ELF2: variants seen among roughly 807,000 people sequenced by gnomAD.
ELF2 encodes the protein ETS-related transcription factor Elf-2.
In ELF2, 11 loss-of-function variants were observed where a neutral mutation model predicts 54.8. That is an observed-to-expected ratio of 0.20 (90% CI 0.13 to 0.33). The LOEUF is 0.33. Among genes scored for constraint, ELF2 ranks in the 10% least tolerant of loss-of-function variants. The probability of loss-of-function intolerance (pLI) is 1.00; values close to 1 mark genes in which losing one functional copy is unlikely to be tolerated. For synonymous variants in ELF2, 203 were observed against 245.1 expected (o/e 0.83, Z 1.61); for missense variants, 513 against 703.0 (o/e 0.73, Z 3.06).
rs541098058 is a variant in ELF2, at chr4:139,117,390, T to G, written c.238+7774A>C. Among the ~76,000 whole-genome samples the G allele has an allele frequency of 3.0e-4, 45 of 152,346 alleles. No individual in the cohort carries two copies. In the South Asian group the frequency reaches 9.1e-3, roughly 31 times the overall value. ...GCTTATTCTTTGCAATACTTTCCAATTTTTTCCATTAAGCATGTATTGCTT... is the reference window on the plus strand; with the variant it reads ...GCTTATTCTTTGCAATACTTTCCAAGTTTTTCCATTAAGCATGTATTGCTT... On this transcript the variant is annotated intron_variant, in intron 4 of 9. Coordinates refer to ENST00000686138, the MANE Select transcript of ELF2 (RefSeq NM_001331036.3).
At chr4:139,144,799 G>C (rs1466785400) in intron 1 of ELF2, among the ~76,000 whole-genome samples, 1 of 152,196 alleles carries the variant, frequency 6.6e-6, no homozygotes, top group Non-Finnish European at 1.5e-5. Flanking sequence ...AGTGGCCAGG[G>C]AATGGCTCCA....
In ELF2 at chr4:139,059,614, C is replaced by CCTGTCT; in HGVS notation, c.1158-8_1158-7insAGACAG. On this transcript the variant is annotated splice_polypyrimidine_tract_variant and splice_region_variant and intron_variant, in intron 9 of 9. Coordinates refer to ENST00000686138, the MANE Select transcript of ELF2 (RefSeq NM_001331036.3). ...CATTGCCACACGAACTGTCCTAGTACATTAGAAAGAAAAAAGCTGATTATA... is the reference window on the plus strand; with the variant it reads ...CATTGCCACACGAACTGTCCTAGTACCTGTCTATTAGAAAGAAAAAAGCTGATTATA... 1 of 1,598,978 alleles carries CCTGTCT rather than the reference C, an allele frequency of 6.3e-7. No individual in the cohort carries two copies. The highest frequency in any genetic ancestry group is 8.5e-7 in the Non-Finnish European group (1 of 1,174,810).
At chr4:139,176,443 G>C (rs1742931932) in intron 1 of ELF2, among the ~76,000 whole-genome samples, 1 of 151,678 alleles carries the variant, frequency 6.6e-6, no homozygotes, top group Non-Finnish European at 1.5e-5. Flanking sequence ...AGCCTCCCAG[G>C]TCCCGCCCCG....
chr4:139,078,280 G>GA (rs879879178), intron 4 of ELF2, among the ~76,000 whole-genome samples: 3 of 151,832 alleles, frequency 2.0e-5, no homozygotes. Flanking sequence ...TGAGAGCAGT[G>GA]AAAAAAAATT....
intron 4 of ELF2, among the ~76,000 whole-genome samples, chr4:139,096,436 G>C (rs1733299877): frequency 6.6e-6 from 1 of 151,846 alleles, no homozygotes; most frequent in East Asian, 1.9e-4. Flanking sequence ...AATTTGTCTG[G>C]GCTTTCTATT....
intron 1 of ELF2, among the ~76,000 whole-genome samples, chr4:139,141,574 T>G (rs1738701874): frequency 6.6e-6 from 1 of 152,176 alleles, no homozygotes; most frequent in South Asian, 2.1e-4. Context: ...GGATCAAATA[T>G]TCAAAGACTG....
At chr4:139,104,523 A>AAG (rs556454183) in intron 4 of ELF2, among the ~76,000 whole-genome samples, 460 of 150,638 alleles carry the variant, frequency 3.1e-3, no homozygotes, top group Non-Finnish European at 5.2e-3. Context: ...AAAAAAAAAA[A>AAG]AAAAGAAAAG....
At chr4:139,084,180 G>A (rs1437941772) in intron 4 of ELF2, 1 of 1,613,382 alleles carries the variant, frequency 6.2e-7, no homozygotes, top group Non-Finnish European at 8.5e-7. Flanking sequence ...CTCATGCAGA[G>A]ACGTCGCCAT....
intron 1 of ELF2, among the ~76,000 whole-genome samples, chr4:139,154,131 T>C (rs926681193): frequency 1.3e-5 from 2 of 152,198 alleles, no homozygotes; most frequent in African/African-American, 4.8e-5. Context: ...ATTTTCTTTG[T>C]GTTACAATAC....
At chr4:139,061,309 G>C (rs1727819145) in intron 8 of ELF2, among the ~76,000 whole-genome samples, 1 of 151,898 alleles carries the variant, frequency 6.6e-6, no homozygotes, top group African/African-American at 2.4e-5. Context: ...CGAATAGCTG[G>C]GATTACAGGC....
chr4:139,130,545 A>G (rs1211748236), intron 3 of ELF2, among the ~76,000 whole-genome samples: 2 of 152,202 alleles, frequency 1.3e-5, no homozygotes, highest in Non-Finnish European at 2.9e-5. Context: ...GGAATCTTCT[A>G]TAATCCTCCA....
chr4:139,125,443 TTATAAA>T, intron 3 of ELF2, 114 bp from the exon 4 acceptor site: 1 of 1,242,992 alleles, frequency 8.0e-7, no homozygotes, highest in Non-Finnish European at 1.1e-6. Context: ...GTTTCAAATA[TTATAAA>T]TATGAATGTA....
intron 4 of ELF2, among the ~76,000 whole-genome samples, chr4:139,087,659 G>A (rs762739183): frequency 2.6e-5 from 4 of 152,076 alleles, no homozygotes; most frequent in Non-Finnish European, 4.4e-5. Context: ...TAGAGATGGG[G>A]TTTGACCGTG....
intron 1 of ELF2, among the ~76,000 whole-genome samples, chr4:139,159,942 G>C (rs1330496121): frequency 6.6e-6 from 1 of 152,200 alleles, no homozygotes; most frequent in Non-Finnish European, 1.5e-5. Context: ...TAGTCCCTTT[G>C]CAAGAGTGAG....
chr4:139,169,347 A>C (rs2129681), intron 1 of ELF2, among the ~76,000 whole-genome samples: 85,485 of 109,258 alleles, frequency 0.78, 31,787 homozygotes, highest in Middle Eastern at 0.91. Context: ...GACTACATTT[A>C]AAAAAAAAAA....
At chr4:139,145,047 C>T (rs1216678157) in intron 1 of ELF2, among the ~76,000 whole-genome samples, 1 of 152,220 alleles carries the variant, frequency 6.6e-6, no homozygotes, top group East Asian at 1.9e-4. Flanking sequence ...CACTCTTTTG[C>T]AAGCACCACC....
intron 4 of ELF2, among the ~76,000 whole-genome samples, chr4:139,102,826 G>A (rs895650417): frequency 6.6e-6 from 1 of 152,176 alleles, no homozygotes; most frequent in African/African-American, 2.4e-5. Flanking sequence ...GGGCGACAGA[G>A]CAAGACTCCA....
intron 4 of ELF2, chr4:139,084,432 G>C (rs1731697674): frequency 1.7e-6 from 2 of 1,184,458 alleles, no homozygotes; most frequent in South Asian, 3.3e-5. Flanking sequence ...GGGGCGGCAG[G>C]GGCAGGGGCG....
At chr4:139,170,259 CTTTTTTTTTT>C (rs70940499) in intron 1 of ELF2, among the ~76,000 whole-genome samples, 25 of 89,292 alleles carry the variant, frequency 2.8e-4, no homozygotes, top group African/African-American at 1.2e-3. Flanking sequence ...TCTTAATCGC[CTTTTTTTTTT>C]TTTTTTTTTT....
Sources: gnomAD v4.1 joint callset for allele counts (sites outside exome capture counted in the v4.1 genomes callset) on GRCh38, gnomAD v4.1.1 for gene constraint, MANE v1.5 for transcripts, NCBI Gene and HGNC (gene_info 2026-07-23, HGNC 2026-07-21) for gene names.